PTPRT: variants seen among roughly 807,000 people sequenced by gnomAD.
PTPRT encodes protein tyrosine phosphatase receptor type T, also known as receptor-type tyrosine-protein phosphatase T.
In PTPRT, 56 loss-of-function variants were observed where a neutral mutation model predicts 176.8. The observed-to-expected ratio is 0.32, with a 90% CI of 0.26 to 0.40. The LOEUF (loss-of-function observed/expected upper bound fraction) is 0.40. Ranked by LOEUF, PTPRT falls within the 10% of genes least tolerant of loss-of-function variation. PTPRT has a pLI of 1.00. For synonymous variants in PTPRT, 783 were observed against 739.0 expected (o/e 1.06, Z -0.96); for missense variants, 1,540 against 1,908.2 (o/e 0.81, Z 3.60).
intron 7 of PTPRT, among the ~76,000 whole-genome samples, chr20:42,665,420 A>C (rs3092261): frequency 5.8e-4 from 88 of 151,998 alleles, no homozygotes; most frequent in African/African-American, 1.3e-3. Context: ...TTAGAATGGC[A>C]ATCATTAAAA....
chr20:42,333,767 C>T (rs921284817), intron 11 of PTPRT, among the ~76,000 whole-genome samples: 1 of 152,164 alleles, frequency 6.6e-6, no homozygotes, highest in African/African-American at 2.4e-5. Context: ...CAATCTCTGC[C>T]TCCTGCGTTC....
chr20:42,355,154 T>A (rs924404282), intron 9 of PTPRT, among the ~76,000 whole-genome samples: 1 of 152,148 alleles, frequency 6.6e-6, no homozygotes, highest in Non-Finnish European at 1.5e-5. Context: ...CCAGCCCTGA[T>A]GGGAGTTGAT....
chr20:42,789,572 T>G (rs775811886), intron 3 of PTPRT, among the ~76,000 whole-genome samples: 8 of 152,356 alleles, frequency 5.3e-5, no homozygotes, highest in Non-Finnish European at 7.3e-5. Flanking sequence ...CATTTTGTAC[T>G]GTGCCTGGAA....
At chr20:42,221,717 A>C (rs897931761) in intron 15 of PTPRT, among the ~76,000 whole-genome samples, 1 of 151,918 alleles carries the variant, frequency 6.6e-6, no homozygotes, top group Non-Finnish European at 1.5e-5. Context: ...ATGGGGTTTC[A>C]TCATGTTGGT....
intron 9 of PTPRT, among the ~76,000 whole-genome samples, chr20:42,445,988 T>C (rs1351581126): frequency 1.3e-5 from 2 of 152,218 alleles, no homozygotes; most frequent in Admixed American, 6.5e-5. Flanking sequence ...TTTCTTCTTG[T>C]CATGGAATTT....
At chr20:43,102,134 A>G (rs1450076759) in intron 1 of PTPRT, among the ~76,000 whole-genome samples, 1 of 152,194 alleles carries the variant, frequency 6.6e-6, no homozygotes, top group African/African-American at 2.4e-5. Context: ...TCACCGCCTC[A>G]TATCATGACA....
At chr20:43,030,352 A>G (rs1986090873) in intron 1 of PTPRT, among the ~76,000 whole-genome samples, 1 of 152,172 alleles carries the variant, frequency 6.6e-6, no homozygotes, top group East Asian at 1.9e-4. Context: ...TCATAGAAAT[A>G]CCCGTCATAT....
intron 1 of PTPRT, among the ~76,000 whole-genome samples, chr20:43,059,789 G>A (rs1987380320): frequency 6.6e-6 from 1 of 152,084 alleles, no homozygotes; most frequent in Non-Finnish European, 1.5e-5. Flanking sequence ...GACCAGCCTG[G>A]CCAACATGGT....
intron 7 of PTPRT, among the ~76,000 whole-genome samples, chr20:42,498,391 T>G (rs1002232435): frequency 6.6e-6 from 1 of 151,958 alleles, no homozygotes; most frequent in African/African-American, 2.4e-5. Flanking sequence ...AAAATAGAGA[T>G]CTTAAGGACT....
chr20:43,106,355 A>C (rs1239227412), intron 1 of PTPRT, among the ~76,000 whole-genome samples: 1 of 152,126 alleles, frequency 6.6e-6, no homozygotes, highest in Non-Finnish European at 1.5e-5. Context: ...GTTTTCTTCC[A>C]GTTTAGAAAG....
chr20:42,145,528 A>AGATAGAT (rs1396580407), intron 17 of PTPRT, among the ~76,000 whole-genome samples: 1 of 151,064 alleles, frequency 6.6e-6, no homozygotes, highest in Non-Finnish European at 1.5e-5. Flanking sequence ...ATAGATAGAT[A>AGATAGAT]GATAGATAGA....
chr20:42,323,704 A>G (rs966111928), intron 11 of PTPRT, among the ~76,000 whole-genome samples: 19 of 152,296 alleles, frequency 1.2e-4, no homozygotes, highest in African/African-American at 4.6e-4. Context: ...TGGCACATGT[A>G]TACATATGTA....
At chr20:42,040,355 G>T in the PTPRT span, among the ~76,000 whole-genome samples, 1 of 152,122 alleles carries the variant, frequency 6.6e-6, no homozygotes, top group Non-Finnish European at 1.5e-5. Flanking sequence ...TTTTCAGTCA[G>T]GGTGGGCTAG....
the PTPRT span, among the ~76,000 whole-genome samples, chr20:42,060,185 C>G: frequency 1.3e-5 from 2 of 152,134 alleles, no homozygotes; most frequent in Non-Finnish European, 2.9e-5. Context: ...CAACTTGTTA[C>G]TAGTAGACCC....
At chr20:42,407,620 T>A (rs532733718) in intron 9 of PTPRT, among the ~76,000 whole-genome samples, 244 of 152,298 alleles carry the variant, frequency 1.6e-3, no homozygotes, top group African/African-American at 5.6e-3. Context: ...CAGGTATGCT[T>A]ACCATCTCCA....
At chr20:42,195,172 A>G (rs1443246525) in intron 16 of PTPRT, among the ~76,000 whole-genome samples, 1 of 152,262 alleles carries the variant, frequency 6.6e-6, no homozygotes, top group East Asian at 1.9e-4. Context: ...AAGAAAAAAG[A>G]AAACCCCAGA....
intron 1 of PTPRT, among the ~76,000 whole-genome samples, chr20:43,134,913 T>C (rs1047277828): frequency 2.0e-4 from 31 of 152,214 alleles, no homozygotes; most frequent in African/African-American, 6.3e-4. Flanking sequence ...CGTAGAGGAC[T>C]ATCCAATGCC....
Position 42,878,801 on chromosome 20 carries a change from G to A in PTPRT, c.214+7006C>T, listed in dbSNP as rs532419927. On this transcript the variant is annotated intron_variant, in intron 2 of 30. Transcript: ENST00000373187. ...CCCAGCACTTTGGGAGGCCGAGGTGGGCGGATCATGAGGTCAGGAGATTGA... is the reference window on the plus strand; with the variant it reads ...CCCAGCACTTTGGGAGGCCGAGGTGAGCGGATCATGAGGTCAGGAGATTGA... 9.2e-5 allele frequency among the ~76,000 whole-genome samples: 14 copies of A among 152,244 alleles called. No homozygotes were observed. The East Asian group carries it at 2.7e-3, about 29-fold the overall frequency.
chr20:42,106,756 G>A (rs1194017434), intron 24 of PTPRT, 30 bp downstream of exon 24: 3 of 1,606,552 alleles, frequency 1.9e-6, no homozygotes, highest in Non-Finnish European at 2.6e-6. Flanking sequence ...GGCTACAGGT[G>A]GCCAACTGTC....
Sources: gnomAD v4.1 joint callset for allele counts (sites outside exome capture counted in the v4.1 genomes callset) on GRCh38, gnomAD v4.1.1 for gene constraint, MANE v1.5 for transcripts, NCBI Gene and HGNC (gene_info 2026-07-23, HGNC 2026-07-21) for gene names.